The following MAT2B variants were observed in gnomAD, a reference collection of about 807,000 sequenced individuals.
MAT2B encodes methionine adenosyltransferase 2 non-catalytic beta subunit.
MAT2B carries 16 observed loss-of-function variants against 36.1 expected under a neutral mutation model. That is an observed-to-expected ratio of 0.44 (90% confidence interval 0.30 to 0.67). The LOEUF is 0.67. MAT2B is among the 30% of genes least tolerant of loss of function. The pLI, the probability that MAT2B is intolerant of heterozygous loss-of-function variation, is 0.09. For missense variants in MAT2B, 332 were observed against 398.2 expected, an observed-to-expected ratio of 0.83 and a Z score of 1.42; for synonymous variants, 148 against 136.9, an observed-to-expected ratio of 1.08 and a Z score of -0.57.
At position 163,518,292 on chromosome 5, in the gene MAT2B, C is replaced by T. The variant is rs1760165061; in HGVS notation, c.934C>T (p.Arg312Ter). The T allele has an allele frequency of 2.5e-6, 4 of 1,613,704 alleles. No individual in the cohort carries two copies. Among genetic ancestry groups the T allele is most frequent in the Non-Finnish European group, 3.4e-6 (4 of 1,179,812 alleles). ...GGGCATTGGCCAACGAACACCATTT[C>T]GAATTGGAATCAAAGAATCACTTTG... is the stretch of plus-strand genomic sequence containing the variant. Reference protein sequence around the residue: ...TLGIGQRTPFRIGIKESLWPF... With the variant: ...TLGIGQRTPF Residue 312 changes from arginine to a stop codon, truncating the protein, a stop_gained, in exon 7 of 7, where the codon CGA (arginine) becomes TGA (stop). Transcript: ENST00000321757. LOFTEE classifies it high-confidence loss of function.
intron 4 of MAT2B, 87 bp from the exon 5 acceptor site, chr5:163,516,431 G>A (rs1261553251): frequency 9.6e-7 from 1 of 1,042,892 alleles, no homozygotes; most frequent in East Asian, 2.4e-5. Flanking sequence ...TTTCTACTTT[G>A]ATATTATTTA....
intron 4 of MAT2B, 117 bp downstream of exon 4, chr5:163,514,111 A>G (rs560841273): frequency 3.9e-6 from 3 of 776,126 alleles, no homozygotes; most frequent in Non-Finnish European, 5.6e-6. Context: ...ATTAGAGAAA[A>G]ATTAGAATAT....
intron 1 of MAT2B, among the ~76,000 whole-genome samples, chr5:163,508,954 G>T (rs1050416649): frequency 6.6e-6 from 1 of 152,054 alleles, no homozygotes; most frequent in Non-Finnish European, 1.5e-5. Context: ...AGTAACCCAG[G>T]GGTATAAGGA....
intron 4 of MAT2B, among the ~76,000 whole-genome samples, chr5:163,514,993 G>A (rs187907303): frequency 2.0e-5 from 3 of 152,254 alleles, no homozygotes; most frequent in Non-Finnish European, 4.4e-5. Flanking sequence ...TCCTCTGGAG[G>A]GGAGGAATGC....
At chr5:163,514,076 T>C in intron 4 of MAT2B, 82 bp downstream of exon 4, 4 of 1,142,700 alleles carry the variant, frequency 3.5e-6, no homozygotes, top group Non-Finnish European at 4.7e-6. Context: ...ATGTTTTAAA[T>C]TTAAAAAGTC....
intron 2 of MAT2B, chr5:163,512,720 G>C (rs747878331): frequency 8.8e-6 from 4 of 452,946 alleles, no homozygotes; most frequent in East Asian, 7.1e-5. Context: ...TTGGTTTGTT[G>C]CCCAGGCTGG....
At chr5:163,513,070 T>TG (rs1760072305) in intron 2 of MAT2B, 1 of 171,612 alleles carries the variant, frequency 5.8e-6, no homozygotes, top group South Asian at 1.3e-4. Flanking sequence ...ACTGTAGCCT[T>TG]GAATTCCTTG....
In MAT2B at chr5:163,519,278, A is replaced by T. The variant is rs189130444; in HGVS notation, c.*915A>T. ...TGATGTAACATGTGATACATACAAA[A>T]GAATATAGTTTAATATGTATTGAAA... On this transcript the variant is annotated 3_prime_UTR_variant, in exon 7 of 7. Coordinates refer to ENST00000321757, the MANE Select transcript of MAT2B (RefSeq NM_013283.5). The T allele has an allele frequency of 1.3e-3, 201 of 152,220 alleles. No homozygotes were observed. The highest frequency in any genetic ancestry group is 4.2e-3 in the African/African-American group (174 of 41,584). The allele number at this position is 152,220 out of a possible 1,614,324, so 9.4% of individuals were successfully genotyped here.
upstream of MAT2B, among the ~76,000 whole-genome samples, chr5:163,504,581 C>T (rs1306084175): frequency 2.0e-5 from 3 of 152,272 alleles, no homozygotes; most frequent in East Asian, 1.9e-4. Context: ...TTGTGGACGA[C>T]GTTTAGAGCT....
intron 5 of MAT2B, 180 bp downstream of exon 5, chr5:163,516,891 T>A (rs1385710774): frequency 1.6e-6 from 1 of 616,250 alleles, no homozygotes; most frequent in Non-Finnish European, 2.9e-6. Context: ...AAAAATATTA[T>A]GCTCTTCTGT....
At position 163,511,439 on chromosome 5, in the gene MAT2B, CTTTTTTTTTTTTTTT is replaced by C. The variant is rs60009583; in HGVS notation, c.64-553_64-539del. Among the ~76,000 whole-genome samples, 12 of 69,536 alleles carry C rather than the reference CTTTTTTTTTTTTTTT, an allele frequency of 1.7e-4. No individual in the cohort carries two copies. In the South Asian group the frequency reaches 3.8e-3, roughly 22 times the overall value. The allele number at this position is 69,536 out of a possible 152,430, so 45.6% of individuals were successfully genotyped here. ...CCACCTGTAGCTCAGCTAATTTTTG[CTTTTTTTTTTTTTTT>C]TTTTTTTTTGGAAGGACGGGTTTTC... On this transcript the variant is annotated intron_variant, in intron 1 of 6. Transcript: ENST00000321757.
rs1270371144 is a variant in MAT2B, at chr5:163,510,394, CT to C, written c.64-1590del. 8.9e-3 allele frequency among the ~76,000 whole-genome samples: 1,078 copies of C among 121,706 alleles called. 7 individuals are homozygous for C. Among genetic ancestry groups the C allele is most frequent in the African/African-American group, 0.029 (878 of 30,160 alleles). 79.8% of individuals were successfully genotyped at this position (121,706 alleles called of 152,430 possible). A position where few individuals can be genotyped will look rare whatever the true frequency, so the allele number is the denominator to read the frequency against. On this transcript the variant is annotated intron_variant, in intron 1 of 6. Coordinates refer to ENST00000321757, the MANE Select transcript of MAT2B (RefSeq NM_013283.5). ...TATCCTTTGCGTTTATTAGTTTTAGCTTTTTTTTTTTTTTTTTTGAGATGTA... is the reference window on the plus strand; with the variant it reads ...TATCCTTTGCGTTTATTAGTTTTAGCTTTTTTTTTTTTTTTTTGAGATGTA...
chr5:163,516,691 C>A lies in MAT2B; in HGVS notation c.700C>A (p.Leu234Ile). Reference protein sequence around the residue: ...VKDVATVCRQLAEKRMLDPSI... With the variant: ...VKDVATVCRQIAEKRMLDPSI... ...AGATGTGGCCACTGTGTGCCGGCAG[C>A]TAGCAGAGAAGAGAATGCTGGTAAG... The change falls in exon 5 of 7, where the codon CTA becomes ATA. Residue 234 changes from leucine (L) to isoleucine (I), a missense_variant. Coordinates refer to ENST00000321757, the MANE Select transcript of MAT2B (RefSeq NM_013283.5). The A allele has an allele frequency of 1.2e-6, 2 of 1,614,172 alleles. No homozygotes were observed. Among genetic ancestry groups the A allele is most frequent in the Non-Finnish European group, 1.7e-6 (2 of 1,180,040 alleles).
chr5:163,514,310 G>A (rs949361739), intron 4 of MAT2B, among the ~76,000 whole-genome samples: 4 of 151,890 alleles, frequency 2.6e-5, no homozygotes, highest in Admixed American at 1.3e-4. Flanking sequence ...TTCTGTTTAT[G>A]TATTCTGTTA....
intron 2 of MAT2B, chr5:163,513,068 C>A (rs1257331466): frequency 5.8e-6 from 1 of 171,654 alleles, no homozygotes. Context: ...CCACTGTAGC[C>A]TTGAATTCCT....
rs2113561633 is a variant in MAT2B, at chr5:163,516,028, A to C, written c.527-490A>C. Among the ~76,000 whole-genome samples the C allele has an allele frequency of 2.7e-5, 4 of 150,842 alleles. No homozygotes were observed. The South Asian group carries it at 8.4e-4, about 32-fold the overall frequency. On this transcript the variant is annotated intron_variant, in intron 4 of 6. Transcript: ENST00000321757. ...GAATTACAGTCATGAGCCCCACCGC[A>C]CTCAGCCTTTGACTGTTTTTAATTT...
rs1477456449 is a variant in MAT2B, at chr5:163,512,455, T to C, written c.258+259T>C. On this transcript the variant is annotated intron_variant, in intron 2 of 6. Transcript: ENST00000321757. ...AGTGCCTTCTAAGTAATACTTTCTC[T>C]GCAAATGGTTTTCAAATGTTACTGT... 11 of 500,042 alleles carry C rather than the reference T, an allele frequency of 2.2e-5. No homozygotes were observed. The South Asian group carries it at 2.3e-4, about 11-fold the overall frequency. The allele number at this position is 500,042 out of a possible 1,614,324, so 31.0% of individuals were successfully genotyped here.
intron 1 of MAT2B, among the ~76,000 whole-genome samples, chr5:163,509,518 T>C (rs924303625): frequency 2.6e-5 from 4 of 152,150 alleles, no homozygotes; most frequent in Non-Finnish European, 5.9e-5. Context: ...ACCTTTGTGA[T>C]CTAAAAGCCC....
At chr5:163,511,600 G>A (rs1760045670) in intron 1 of MAT2B, among the ~76,000 whole-genome samples, 1 of 151,666 alleles carries the variant, frequency 6.6e-6, no homozygotes, top group Non-Finnish European at 1.5e-5. Flanking sequence ...TTTCTTAAGT[G>A]ATACAGTTTT....
Sources: allele counts gnomAD v4.1 joint callset (sites outside exome capture counted in the v4.1 genomes callset), GRCh38; gene constraint gnomAD v4.1.1; transcripts MANE v1.5; gene names NCBI Gene and HGNC (gene_info 2026-07-23, HGNC 2026-07-21).